The following PSD3 variants were observed in gnomAD, a reference collection of about 807,000 sequenced individuals.
The protein encoded by PSD3 is pleckstrin and Sec7 domain containing 3.
A neutral mutation model predicts 105.5 loss-of-function variants in PSD3; 49 were observed. The ratio of observed to expected loss-of-function variants is 0.46; its 90% CI spans 0.37 to 0.59. The LOEUF (loss-of-function observed/expected upper bound fraction) is 0.59, where lower values mean the gene tolerates loss of function less well. Ranked by LOEUF, PSD3 falls within the 20% of genes least tolerant of loss-of-function variation. The pLI is 0.00. For synonymous variants in PSD3, 557 were observed against 457.8 expected (o/e 1.22, Z -2.77); for missense variants, 1,561 against 1,263.8 (o/e 1.24, Z -3.57).
chr8:18,567,387 T>C (rs958227236), intron 14 of PSD3, among the ~76,000 whole-genome samples: 4 of 152,212 alleles, frequency 2.6e-5, no homozygotes, highest in African/African-American at 9.6e-5. Context: ...GTATGCATAT[T>C]TAAAGCAGAG....
intron 9 of PSD3, among the ~76,000 whole-genome samples, chr8:18,715,655 C>T (rs549856228): frequency 1.3e-5 from 2 of 152,282 alleles, no homozygotes; most frequent in South Asian, 4.1e-4. Flanking sequence ...CATCAATGCT[C>T]TACCTCAGTT....
chr8:19,037,842 AC>A (rs1284642132), intron 1 of PSD3, among the ~76,000 whole-genome samples: 1 of 151,848 alleles, frequency 6.6e-6, no homozygotes, highest in African/African-American at 2.4e-5. Context: ...GGATCATGAG[AC>A]TTTTTGGCCT....
chr8:18,874,017 A>C (rs953962175), intron 2 of PSD3, among the ~76,000 whole-genome samples: 2 of 152,200 alleles, frequency 1.3e-5, no homozygotes, highest in African/African-American at 4.8e-5. Flanking sequence ...CTGTAGTCCT[A>C]TCAGCCCTAG....
At chr8:18,763,003 C>T in intron 9 of PSD3, 1 of 990,194 alleles carries the variant, frequency 1.0e-6, no homozygotes, top group Non-Finnish European at 1.4e-6. Flanking sequence ...TTGGTTTCAG[C>T]ATCTTCTCCA....
chr8:18,758,262 C>G (rs77464163), intron 9 of PSD3, among the ~76,000 whole-genome samples: 3,995 of 151,956 alleles, frequency 0.026, 247 homozygotes, highest in East Asian at 0.19. Context: ...GTGGGAAGAT[C>G]AAATAGGGAA....
At chr8:19,078,565 C>T (rs1208307960) in intron 1 of PSD3, among the ~76,000 whole-genome samples, 1 of 152,024 alleles carries the variant, frequency 6.6e-6, no homozygotes, top group Non-Finnish European at 1.5e-5. Flanking sequence ...TCTCTGCTCC[C>T]CATCAACCTT....
chr8:18,603,035 A>G (rs1804551451), intron 11 of PSD3, among the ~76,000 whole-genome samples: 2 of 152,214 alleles, frequency 1.3e-5, no homozygotes, highest in African/African-American at 4.8e-5. Context: ...AGCAACTGAC[A>G]GGCTTTAACT....
chr8:18,735,942 A>C (rs968575340), intron 9 of PSD3, among the ~76,000 whole-genome samples: 3 of 152,128 alleles, frequency 2.0e-5, no homozygotes, highest in Non-Finnish European at 2.9e-5. Flanking sequence ...AGAATAAATA[A>C]AAACAATTGA....
chr8:18,808,958 T>C, intron 4 of PSD3: 1 of 1,427,436 alleles, frequency 7.0e-7, no homozygotes, highest in South Asian at 1.6e-5. Context: ...ATTGTTGCGG[T>C]TTCTGTAATG....
At chr8:18,771,765 C>T (rs905466652) in intron 8 of PSD3, among the ~76,000 whole-genome samples, 2 of 152,172 alleles carry the variant, frequency 1.3e-5, no homozygotes, top group Admixed American at 1.3e-4. Flanking sequence ...ACCATGTTAA[C>T]AGTTTTAAGC....
rs546829056 is a variant in PSD3 at position 18,956,214 on chromosome 8, G to A, written c.22-20072C>T. 1.1e-4 allele frequency among the ~76,000 whole-genome samples: 17 copies of A among 152,344 alleles called. 1 individual carries two copies. The South Asian group carries it at 2.1e-3, about 19-fold the overall frequency. Reference sequence around the variant, plus strand: ...CGCTTAGAAAATGAGAGCTAGGCCCGTTCAGCAGATTGTATCACATGAAGG... The same window carrying A: ...CGCTTAGAAAATGAGAGCTAGGCCCATTCAGCAGATTGTATCACATGAAGG... On this transcript the variant is annotated intron_variant, in intron 1 of 15. Coordinates refer to ENST00000327040, the MANE Select transcript of PSD3 (RefSeq NM_015310.4).
At chr8:18,888,045 G>A (rs775286078) in intron 2 of PSD3, among the ~76,000 whole-genome samples, 1 of 152,162 alleles carries the variant, frequency 6.6e-6, no homozygotes, top group Non-Finnish European at 1.5e-5. Flanking sequence ...CAGGCAATGT[G>A]CCTCTAAAGT....
rs116574392 is a variant in PSD3 at position 18,623,896 on chromosome 8, T to C, written c.2410+8717A>G. On this transcript the variant is annotated intron_variant, in intron 11 of 15. Coordinates refer to ENST00000327040, the MANE Select transcript of PSD3 (RefSeq NM_015310.4). ...TTGTTTTGCATGCTTTCAAATGTTATCTTACGTGCAGATTCTTCTGCAAGC... is the reference window on the plus strand; with the variant it reads ...TTGTTTTGCATGCTTTCAAATGTTACCTTACGTGCAGATTCTTCTGCAAGC... Among the ~76,000 whole-genome samples the C allele has an allele frequency of 5.3e-3, 803 of 152,286 alleles. 3 individuals are homozygous for C. Among genetic ancestry groups the C allele is most frequent in the African/African-American group, 0.019 (773 of 41,552 alleles).
At chr8:18,752,576 ATTATATATATTATATATTATATAT>A (rs1805654929) in intron 9 of PSD3, among the ~76,000 whole-genome samples, 1 of 52,644 alleles carries the variant, frequency 1.9e-5, no homozygotes, top group African/African-American at 1.0e-4. Flanking sequence ...TATATATATA[ATTATATATATTATATATTATATAT>A]TATATATAAT....
chr8:18,977,108 A>G (rs1824983754), intron 1 of PSD3, among the ~76,000 whole-genome samples: 1 of 152,036 alleles, frequency 6.6e-6, no homozygotes, highest in African/African-American at 2.4e-5. Context: ...AAAAATACAA[A>G]AATTAGCCAG....
At chr8:18,697,724 T>C (rs79179431) in intron 9 of PSD3, among the ~76,000 whole-genome samples, 2,014 of 152,290 alleles carry the variant, frequency 0.013, 41 homozygotes, top group African/African-American at 0.039. Context: ...CTATCAATTT[T>C]TAGGGGTCCT....
intron 8 of PSD3, among the ~76,000 whole-genome samples, chr8:18,781,732 G>A (rs564548221): frequency 2.0e-5 from 3 of 152,146 alleles, no homozygotes; most frequent in Non-Finnish European, 4.4e-5. Context: ...CCTATATCTA[G>A]ATGTCTGTAT....
chr8:18,659,658 C>G (rs1809185919), intron 9 of PSD3, among the ~76,000 whole-genome samples: 1 of 152,174 alleles, frequency 6.6e-6, no homozygotes, highest in Non-Finnish European at 1.5e-5. Flanking sequence ...TTCAAATAAT[C>G]TGGTAATGTT....
chr8:18,892,974 A>C (rs1563391843), intron 2 of PSD3, among the ~76,000 whole-genome samples: 1 of 152,138 alleles, frequency 6.6e-6, no homozygotes, highest in Non-Finnish European at 1.5e-5. Flanking sequence ...TCAGAATGTA[A>C]TCAAAATATT....
Sources: gnomAD v4.1 joint callset for allele counts (sites outside exome capture counted in the v4.1 genomes callset) on GRCh38, gnomAD v4.1.1 for gene constraint, MANE v1.5 for transcripts, NCBI Gene and HGNC (gene_info 2026-07-23, HGNC 2026-07-21) for gene names.